The following IMMP2L variants were observed in gnomAD, a reference collection of about 807,000 sequenced individuals.
IMMP2L encodes inner mitochondrial membrane peptidase subunit 2.
IMMP2L carries 18 observed loss-of-function variants against 19.3 expected under a neutral mutation model. The observed-to-expected ratio is 0.93, with a 90% CI of 0.64 to 1.38. The LOEUF (loss-of-function observed/expected upper bound fraction) is 1.38, where lower values mean the gene tolerates loss of function less well. IMMP2L is among the 40% of genes most tolerant of loss of function. IMMP2L has a pLI of 0.00. For synonymous variants in IMMP2L, 76 were observed against 73.0 expected (o/e 1.04, Z -0.21); for missense variants, 233 against 218.2 (o/e 1.07, Z -0.43).
intron 3 of IMMP2L, among the ~76,000 whole-genome samples, chr7:111,233,299 A>G (rs1163169990): frequency 6.6e-6 from 1 of 152,124 alleles, no homozygotes; most frequent in Non-Finnish European, 1.5e-5. Context: ...CTTTTTGTAT[A>G]TAAATAAATG....
chr7:111,041,169 G>A (rs1171189284), intron 3 of IMMP2L, among the ~76,000 whole-genome samples: 1 of 151,804 alleles, frequency 6.6e-6, no homozygotes, highest in Non-Finnish European at 1.5e-5. Context: ...TGTTTTCCTG[G>A]GGCTCACAAA....
At chr7:111,290,020 A>G (rs1311068800) in intron 3 of IMMP2L, among the ~76,000 whole-genome samples, 1 of 152,148 alleles carries the variant, frequency 6.6e-6, no homozygotes, top group African/African-American at 2.4e-5. Context: ...CTCTATTCAA[A>G]TCACTCACAT....
chr7:111,272,556 C>T (rs576967262), intron 3 of IMMP2L, among the ~76,000 whole-genome samples: 4 of 152,184 alleles, frequency 2.6e-5, no homozygotes, highest in African/African-American at 9.6e-5. Flanking sequence ...AAGGCCTGTA[C>T]AGTGCTTCAC....
chr7:111,032,064 A>G (rs1022236607), intron 3 of IMMP2L, among the ~76,000 whole-genome samples: 3 of 150,042 alleles, frequency 2.0e-5, no homozygotes, highest in Non-Finnish European at 4.4e-5. Flanking sequence ...TCAGCCACCC[A>G]AGTAGCTGGA....
intron 4 of IMMP2L, among the ~76,000 whole-genome samples, chr7:110,914,030 A>G (rs1813328530): frequency 6.6e-6 from 1 of 152,146 alleles, no homozygotes. Context: ...CCCTCCAGAA[A>G]GTCAACCAGC....
chr7:110,692,546 C>T (rs975845915), intron 5 of IMMP2L, among the ~76,000 whole-genome samples: 3 of 151,758 alleles, frequency 2.0e-5, no homozygotes, highest in Non-Finnish European at 4.4e-5. Context: ...AATATAATAT[C>T]TCAGATTCAA....
intron 3 of IMMP2L, among the ~76,000 whole-genome samples, chr7:111,391,506 T>C (rs1031018340): frequency 6.6e-6 from 1 of 152,174 alleles, no homozygotes; most frequent in Admixed American, 6.6e-5. Flanking sequence ...TTGATAAAGA[T>C]GAATCACTAA....
intron 3 of IMMP2L, among the ~76,000 whole-genome samples, chr7:111,132,360 C>T (rs1185840353): frequency 6.6e-6 from 1 of 151,962 alleles, no homozygotes; most frequent in Non-Finnish European, 1.5e-5. Context: ...ACAGAATGGT[C>T]AATTATGTTT....
chr7:110,880,067 C>T (rs1290327025), intron 5 of IMMP2L, among the ~76,000 whole-genome samples: 3 of 152,062 alleles, frequency 2.0e-5, no homozygotes, highest in Non-Finnish European at 4.4e-5. Context: ...GATGACCTAT[C>T]AATAGAATAC....
Position 110,695,609 on chromosome 7 carries a change from A to C in IMMP2L, c.409-31888T>G, listed in dbSNP as rs73435320. Among the ~76,000 whole-genome samples the C allele has an allele frequency of 9.3e-3, 1,416 of 152,298 alleles. 24 individuals are homozygous for C. The highest frequency in any genetic ancestry group is 0.031 in the African/African-American group (1,309 of 41,564). On this transcript the variant is annotated intron_variant, in intron 5 of 5. Coordinates refer to ENST00000405709, the MANE Select transcript of IMMP2L (RefSeq NM_032549.4). ...ATTAATTGAATTTTTAAAAAGATAGAAGCGGGAGGGCAGGGAAGGGGAGAG... is the reference window on the plus strand; with the variant it reads ...ATTAATTGAATTTTTAAAAAGATAGCAGCGGGAGGGCAGGGAAGGGGAGAG...
chr7:110,836,588 C>A (rs1325494955), intron 5 of IMMP2L, among the ~76,000 whole-genome samples: 1 of 152,100 alleles, frequency 6.6e-6, no homozygotes, highest in African/African-American at 2.4e-5. Flanking sequence ...CCCAATAAAC[C>A]TCTTTCTTTT....
At chr7:110,938,041 C>T (rs1315336884) in intron 4 of IMMP2L, among the ~76,000 whole-genome samples, 1 of 152,170 alleles carries the variant, frequency 6.6e-6, no homozygotes, top group Non-Finnish European at 1.5e-5. Flanking sequence ...GCTCCTCACA[C>T]CTTCCTCCCA....
intron 3 of IMMP2L, among the ~76,000 whole-genome samples, chr7:111,342,844 A>G (rs1270955909): frequency 6.6e-6 from 1 of 152,082 alleles, no homozygotes; most frequent in Non-Finnish European, 1.5e-5. Context: ...ACGAATCTCT[A>G]AAAAGTTATA....
intron 4 of IMMP2L, among the ~76,000 whole-genome samples, chr7:110,942,955 A>T (rs1295703318): frequency 6.6e-6 from 1 of 152,004 alleles, no homozygotes; most frequent in African/African-American, 2.4e-5. Flanking sequence ...CAAATATTTT[A>T]AAAATAATGA....
intron 5 of IMMP2L, among the ~76,000 whole-genome samples, chr7:110,736,551 T>A (rs1796650014): frequency 6.6e-6 from 1 of 152,212 alleles, no homozygotes; most frequent in African/African-American, 2.4e-5. Context: ...AGGACTGTTC[T>A]GAGCTTTGCG....
At chr7:111,281,403 G>T (rs146814891) in intron 3 of IMMP2L, among the ~76,000 whole-genome samples, 1 of 152,086 alleles carries the variant, frequency 6.6e-6, no homozygotes, top group Non-Finnish European at 1.5e-5. Context: ...ATAGGATACA[G>T]AGACTAAAAA....
chr7:111,286,380 T>A (rs978516371), intron 3 of IMMP2L, among the ~76,000 whole-genome samples: 1 of 152,140 alleles, frequency 6.6e-6, no homozygotes, highest in Admixed American at 6.6e-5. Flanking sequence ...ATCAACGCAA[T>A]AATGACTTAA....
intron 3 of IMMP2L, among the ~76,000 whole-genome samples, chr7:111,041,292 T>A (rs191230589): frequency 6.6e-6 from 1 of 152,082 alleles, no homozygotes; most frequent in Non-Finnish European, 1.5e-5. Context: ...AAAAAGGCCT[T>A]GAAATCAACT....
At chr7:110,951,995 T>C (rs1359432695) in intron 4 of IMMP2L, among the ~76,000 whole-genome samples, 1 of 152,128 alleles carries the variant, frequency 6.6e-6, no homozygotes, top group African/African-American at 2.4e-5. Context: ...CTGTTCAGGC[T>C]GAAATATTCA....
Sources: gnomAD v4.1 joint callset for allele counts (sites outside exome capture counted in the v4.1 genomes callset) on GRCh38, gnomAD v4.1.1 for gene constraint, MANE v1.5 for transcripts, NCBI Gene and HGNC (gene_info 2026-07-23, HGNC 2026-07-21) for gene names.